The following SYNE2 variants were observed in gnomAD, a reference collection of about 807,000 sequenced individuals.
SYNE2 encodes the protein spectrin repeat containing nuclear envelope protein 2.
SYNE2 carries 431 observed loss-of-function variants against 856.3 expected under a neutral mutation model. That is an observed-to-expected ratio of 0.50 (90% CI 0.47 to 0.55). The LOEUF (loss-of-function observed/expected upper bound fraction) is 0.55. Ranked by LOEUF, SYNE2 falls within the 20% of genes least tolerant of loss-of-function variation. The probability of loss-of-function intolerance (pLI) is 0.00; values close to 1 mark genes in which losing one functional copy is unlikely to be tolerated. For missense variants in SYNE2, 8,129 were observed against 8,023.2 expected (o/e 1.01, Z -0.50); for synonymous variants, 2,923 against 2,872.3 (o/e 1.02, Z -0.56).
Position 63,939,660 on chromosome 14 carries a change from A to G in SYNE2, c.80-954A>G, listed in dbSNP as rs74888042. The stretch of plus-strand genomic sequence containing the variant: ...ACCACATCCGACCCCTACCTGTTTA[A>G]TAAGAGTAATAGCCAACACTTCTTA... On this transcript the variant is annotated intron_variant, in intron 2 of 115. Coordinates refer to ENST00000555002, the MANE Select transcript of SYNE2 (RefSeq NM_182914.3). Among the ~76,000 whole-genome samples the G allele has an allele frequency of 1.0e-3, 159 of 152,266 alleles. 2 individuals carry two copies. In the South Asian group the frequency reaches 0.015, roughly 14 times the overall value.
chr14:63,827,625 CAAAAAAAAAAAAAAAAAA>C (rs11334415), intron 1 of SYNE2, among the ~76,000 whole-genome samples: 1 of 28,400 alleles, frequency 3.5e-5, no homozygotes, highest in Admixed American at 5.5e-4. Flanking sequence ...AACTCTGTCT[CAAAAAAAAAAAAAAAAAA>C]AAAAAAAAAA....
chr14:64,190,867 G>T, intron 99 of SYNE2: 2 of 693,078 alleles, frequency 2.9e-6, no homozygotes, highest in Admixed American at 2.0e-5. Context: ...CTCCCAAAAT[G>T]ATGATGATGC....
At position 64,130,059 on chromosome 14, in the gene SYNE2, C is replaced by T; in HGVS notation, c.14151C>T (p.Asp4717=). 6.2e-7 allele frequency: 1 copy of T among 1,613,832 alleles called. No homozygotes were observed. The highest frequency in any genetic ancestry group is 8.5e-7 in the Non-Finnish European group (1 of 1,180,016). ...QEVYKLEDVL[D]SMWGMLRARY... ...TCTTCTCTTTTCAGGATGTACTTGA[C>T]AGTATGTGGGGAATGCTAAGAGCCA... is the stretch of plus-strand genomic sequence containing the variant. The change falls in exon 76 of 116, where the codon GAC becomes GAT. Residue 4717 remains aspartate (D), a synonymous_variant. Coordinates refer to ENST00000555002, the MANE Select transcript of SYNE2 (RefSeq NM_182914.3).
At chr14:64,145,786 A>G (rs1214162506) in intron 83 of SYNE2, among the ~76,000 whole-genome samples, 1 of 152,168 alleles carries the variant, frequency 6.6e-6, no homozygotes, top group East Asian at 1.9e-4. Flanking sequence ...AAAAATATCG[A>G]ATGTTGGGAA....
intron 106 of SYNE2, 35 bp from the exon 107 acceptor site, chr14:64,215,251 C>T (rs1443741326): frequency 2.5e-6 from 4 of 1,599,096 alleles, no homozygotes; most frequent in African/African-American, 1.3e-5. Context: ...TCTTCAGGCA[C>T]CTCCAGTGAG....
intron 1 of SYNE2, among the ~76,000 whole-genome samples, chr14:63,822,454 A>G (rs2139867659): frequency 6.6e-6 from 1 of 152,242 alleles, no homozygotes; most frequent in South Asian, 2.1e-4. Flanking sequence ...CTTTATCCCT[A>G]GGGCATTTGT....
At chr14:63,984,770 G>A (rs1682851945) in intron 18 of SYNE2, among the ~76,000 whole-genome samples, 1 of 152,180 alleles carries the variant, frequency 6.6e-6, no homozygotes, top group African/African-American at 2.4e-5. Context: ...TGGAGTGCCA[G>A]CATTTTCCTA....
intron 71 of SYNE2, among the ~76,000 whole-genome samples, chr14:64,126,107 A>G (rs143269171): frequency 1.6e-4 from 24 of 152,330 alleles, no homozygotes; most frequent in African/African-American, 5.3e-4. Context: ...CAGTACTCAA[A>G]TAACTACCTA....
At chr14:64,013,175 C>T (rs1029981471) in intron 32 of SYNE2, among the ~76,000 whole-genome samples, 13 of 152,088 alleles carry the variant, frequency 8.5e-5, no homozygotes, top group African/African-American at 2.9e-4. Flanking sequence ...TCTCATCATC[C>T]GGTGGAAGCT....
intron 49 of SYNE2, among the ~76,000 whole-genome samples, chr14:64,056,899 C>T (rs1448413231): frequency 6.6e-6 from 1 of 151,890 alleles, no homozygotes; most frequent in Non-Finnish European, 1.5e-5. Context: ...CTTGAACTCC[C>T]TGTTGTACTT....
At chr14:63,889,046 C>CAAAAAAAA (rs200729691) in intron 1 of SYNE2, among the ~76,000 whole-genome samples, 9 of 108,638 alleles carry the variant, frequency 8.3e-5, no homozygotes, top group East Asian at 3.2e-4. Flanking sequence ...TACTAAAATA[C>CAAAAAAAA]AAAAAAAAAA....
intron 2 of SYNE2, among the ~76,000 whole-genome samples, chr14:63,921,776 A>T (rs2095604092): frequency 6.6e-6 from 1 of 152,192 alleles, no homozygotes; most frequent in Non-Finnish European, 1.5e-5. Context: ...AGTGGTAGGT[A>T]AGGAAGTAAA....
chr14:64,038,679 A>C (rs1478947642), intron 45 of SYNE2, among the ~76,000 whole-genome samples: 1 of 152,226 alleles, frequency 6.6e-6, no homozygotes, highest in Non-Finnish European at 1.5e-5. Flanking sequence ...GGTCTCCATC[A>C]AAAAAATACG....
chr14:64,113,211 C>T, intron 65 of SYNE2, 130 bp from the exon 66 acceptor site: 2 of 1,535,418 alleles, frequency 1.3e-6, no homozygotes, highest in Non-Finnish European at 1.7e-6. Flanking sequence ...GTGCATTTCT[C>T]TTTTCTTTCT....
intron 1 of SYNE2, among the ~76,000 whole-genome samples, chr14:63,895,370 A>G (rs1410801934): frequency 6.6e-6 from 1 of 151,498 alleles, no homozygotes; most frequent in Non-Finnish European, 1.5e-5. Context: ...TGGCCTCCCA[A>G]AGTGCTGGGA....
chr14:64,012,802 C>T (rs2096856840), intron 32 of SYNE2, among the ~76,000 whole-genome samples: 1 of 152,120 alleles, frequency 6.6e-6, no homozygotes, highest in Non-Finnish European at 1.5e-5. Flanking sequence ...GATTTTAGTA[C>T]TAATTGTTAA....
At chr14:63,987,068 A>C (rs1323683611) in intron 19 of SYNE2, among the ~76,000 whole-genome samples, 1 of 152,148 alleles carries the variant, frequency 6.6e-6, no homozygotes, top group Non-Finnish European at 1.5e-5. Context: ...CCTGGCCAAT[A>C]TGGTGAAATC....
In SYNE2 at chr14:64,184,424, G is replaced by A. The variant is rs532581761; in HGVS notation, c.17557-2000G>A. Among the ~76,000 whole-genome samples, 309 of 151,782 alleles carry A rather than the reference G, an allele frequency of 2.0e-3. 3 individuals are homozygous for A. The highest frequency in any genetic ancestry group is 7.2e-3 in the African/African-American group (296 of 41,328). ...GGGCAGGGCAGTGAGAGTAAAACAG[G>A]AGTCTCAACCTTATCCAGTGACTGT... On this transcript the variant is annotated intron_variant, in intron 96 of 115. Transcript: ENST00000555002.
chr14:64,047,457 G>T (rs924866787), intron 45 of SYNE2, among the ~76,000 whole-genome samples: 1 of 152,348 alleles, frequency 6.6e-6, no homozygotes, highest in South Asian at 2.1e-4. Flanking sequence ...CAAGTTCTCA[G>T]TCCGGTCCTA....
Sources: gnomAD v4.1 joint callset for allele counts (sites outside exome capture counted in the v4.1 genomes callset) on GRCh38, gnomAD v4.1.1 for gene constraint, MANE v1.5 for transcripts, NCBI Gene and HGNC (gene_info 2026-07-23, HGNC 2026-07-21) for gene names.